The following GRM8 variants were observed in gnomAD, a reference collection of about 807,000 sequenced individuals.
The protein encoded by GRM8 is glutamate metabotropic receptor 8, also known as metabotropic glutamate receptor 8.
GRM8 carries 47 observed loss-of-function variants against 87.2 expected under a neutral mutation model. The observed-to-expected ratio is 0.54, with a 90% CI of 0.43 to 0.69. The LOEUF is 0.69. Ranked by LOEUF, GRM8 falls within the 30% of genes least tolerant of loss-of-function variation. The pLI, the probability that GRM8 is intolerant of heterozygous loss-of-function variation, is 0.00. For synonymous variants in GRM8, 396 were observed against 404.5 expected (o/e 0.98, Z 0.25); for missense variants, 1,019 against 1,139.2 (o/e 0.89, Z 1.52).
intron 7 of GRM8, among the ~76,000 whole-genome samples, chr7:126,700,884 C>A (rs1421407695): frequency 6.6e-6 from 1 of 152,000 alleles, no homozygotes; most frequent in Non-Finnish European, 1.5e-5. Context: ...GTTCCTAAAT[C>A]CTAAATTCCT....
At chr7:126,936,258 G>A (rs1806308156) in intron 3 of GRM8, among the ~76,000 whole-genome samples, 1 of 152,058 alleles carries the variant, frequency 6.6e-6, no homozygotes. Context: ...AACTCACATT[G>A]TATTTGTAAG....
intron 2 of GRM8, among the ~76,000 whole-genome samples, chr7:127,195,861 A>G (rs1203923189): frequency 6.6e-6 from 1 of 152,184 alleles, no homozygotes; most frequent in African/African-American, 2.4e-5. Context: ...TTATCTTTAA[A>G]GGTAGGTATT....
intron 10 of GRM8, among the ~76,000 whole-genome samples, chr7:126,444,343 C>T (rs1801768012): frequency 6.6e-6 from 1 of 152,092 alleles, no homozygotes; most frequent in Non-Finnish European, 1.5e-5. Flanking sequence ...TAGTAAATTG[C>T]TTACCTATAC....
chr7:127,191,006 G>A (rs184379844), intron 2 of GRM8, among the ~76,000 whole-genome samples: 80 of 152,098 alleles, frequency 5.3e-4, no homozygotes, highest in Non-Finnish European at 9.9e-4. Context: ...TTTTACAGAG[G>A]AGAATTAAAA....
chr7:126,830,225 A>G (rs1407794047), intron 6 of GRM8, among the ~76,000 whole-genome samples: 2 of 151,964 alleles, frequency 1.3e-5, no homozygotes, highest in African/African-American at 4.8e-5. Context: ...CATTCTCTGT[A>G]TTTCCTGAAT....
chr7:126,818,426 A>G (rs970672513), intron 6 of GRM8, among the ~76,000 whole-genome samples: 2 of 152,200 alleles, frequency 1.3e-5, no homozygotes, highest in Admixed American at 6.5e-5. Flanking sequence ...ATTTTCCAGG[A>G]AGGAAAACCA....
chr7:126,776,258 G>C (rs1819456776), intron 6 of GRM8, among the ~76,000 whole-genome samples: 1 of 152,108 alleles, frequency 6.6e-6, no homozygotes, highest in Non-Finnish European at 1.5e-5. Context: ...GGATAACCCA[G>C]GGAAGTGAAA....
intron 3 of GRM8, among the ~76,000 whole-genome samples, chr7:126,967,944 T>A (rs1810043189): frequency 6.6e-6 from 1 of 152,216 alleles, no homozygotes; most frequent in African/African-American, 2.4e-5. Context: ...TACAATTCCA[T>A]ATTGAGCACT....
rs76337114 is a variant in GRM8 at position 126,612,386 on chromosome 7, G to T, written c.1358-2888C>A. Among the ~76,000 whole-genome samples, 574 of 152,088 alleles carry T rather than the reference G, an allele frequency of 3.8e-3. 5 individuals are homozygous for T. The highest frequency in any genetic ancestry group is 0.013 in the African/African-American group (555 of 41,472). On this transcript the variant is annotated intron_variant, in intron 7 of 10. Coordinates refer to ENST00000339582, the MANE Select transcript of GRM8 (RefSeq NM_000845.3). Reference sequence around the variant, plus strand: ...GTCTCACCATTCTGTCTTTGCTCAGGCTATTTTCTCTAATTTCCCATTCTC... The same window carrying T: ...GTCTCACCATTCTGTCTTTGCTCAGTCTATTTTCTCTAATTTCCCATTCTC...
chr7:127,170,940 A>C (rs1793764888), intron 2 of GRM8, among the ~76,000 whole-genome samples: 1 of 152,188 alleles, frequency 6.6e-6, no homozygotes, highest in African/African-American at 2.4e-5. Flanking sequence ...TCACCACTAA[A>C]GAACTTATTC....
At chr7:126,460,148 T>G (rs1803729791) in intron 9 of GRM8, among the ~76,000 whole-genome samples, 1 of 151,528 alleles carries the variant, frequency 6.6e-6, no homozygotes, top group South Asian at 2.1e-4. Flanking sequence ...ATTTAGAACT[T>G]TCTATAATTG....
chr7:127,165,206 T>G (rs1481614706), intron 2 of GRM8, among the ~76,000 whole-genome samples: 5 of 127,676 alleles, frequency 3.9e-5, no homozygotes, highest in Non-Finnish European at 8.2e-5. Flanking sequence ...AGGTTTCAAC[T>G]AGTGCTAAAT....
At chr7:126,569,610 G>A (rs757951266) in intron 8 of GRM8, among the ~76,000 whole-genome samples, 25 of 152,156 alleles carry the variant, frequency 1.6e-4, no homozygotes, top group African/African-American at 4.6e-4. Flanking sequence ...GGGAGGAAGC[G>A]TTCTGTAGGA....
chr7:127,171,388 G>T (rs1793792632), intron 2 of GRM8, among the ~76,000 whole-genome samples: 1 of 152,194 alleles, frequency 6.6e-6, no homozygotes, highest in Non-Finnish European at 1.5e-5. Context: ...TCTAATTTTT[G>T]AAGGAAGTTC....
intron 7 of GRM8, among the ~76,000 whole-genome samples, chr7:126,712,082 G>A (rs183999070): frequency 6.6e-5 from 10 of 152,262 alleles, no homozygotes; most frequent in African/African-American, 2.2e-4. Flanking sequence ...CTTAGCTTTC[G>A]CCCTGTCTCA....
intron 3 of GRM8, among the ~76,000 whole-genome samples, chr7:126,985,033 A>C (rs562390404): frequency 1.3e-5 from 2 of 151,612 alleles, no homozygotes; most frequent in Admixed American, 6.6e-5. Flanking sequence ...CACACACACA[A>C]CACACACACA....
intron 2 of GRM8, among the ~76,000 whole-genome samples, chr7:127,155,699 T>A (rs543158993): frequency 6.6e-6 from 1 of 152,294 alleles, no homozygotes; most frequent in African/African-American, 2.4e-5. Context: ...AGTTTTTCCA[T>A]GTGAAGACCT....
At chr7:127,151,006 C>T (rs1295662920) in intron 2 of GRM8, among the ~76,000 whole-genome samples, 1 of 152,006 alleles carries the variant, frequency 6.6e-6, no homozygotes, top group Non-Finnish European at 1.5e-5. Context: ...AGCAGAACAA[C>T]AGGTTTTAGC....
At chr7:126,488,031 T>C (rs116148940) in intron 9 of GRM8, among the ~76,000 whole-genome samples, 47 of 152,128 alleles carry the variant, frequency 3.1e-4, no homozygotes, top group African/African-American at 1.1e-3. Flanking sequence ...CCTAACCTCA[T>C]AAGAGCTTTT....
Sources: gnomAD v4.1 joint callset for allele counts (sites outside exome capture counted in the v4.1 genomes callset) on GRCh38, gnomAD v4.1.1 for gene constraint, MANE v1.5 for transcripts, NCBI Gene and HGNC (gene_info 2026-07-23, HGNC 2026-07-21) for gene names.